The following LRFN1 variants were observed in gnomAD, a reference collection of about 807,000 sequenced individuals.
LRFN1 encodes the protein leucine rich repeat and fibronectin type III domain containing 1, also known as leucine-rich repeat and fibronectin type III domain-containing protein 1.
LRFN1 carries 20 observed loss-of-function variants against 31.8 expected under a neutral mutation model. The ratio of observed to expected loss-of-function variants is 0.63; its 90% confidence interval spans 0.44 to 0.91. LRFN1 has a LOEUF of 0.91. Ranked by LOEUF, LRFN1 falls within the 40% of genes least tolerant of loss-of-function variation. The probability of loss-of-function intolerance (pLI) is 0.00; values close to 1 mark genes in which losing one functional copy is unlikely to be tolerated. For synonymous variants in LRFN1, 514 were observed against 541.3 expected, an observed-to-expected ratio of 0.95 and a Z score of 0.70; for missense variants, 912 against 1,129.8, an observed-to-expected ratio of 0.81 and a Z score of 2.76.
In LRFN1 at chr19:39,315,138, C is replaced by T. The variant is rs1026039060; in HGVS notation, c.199G>A (p.Val67Met). Reference sequence around the variant, plus strand: ...TTGTCGGTGAGCCGCAGCTCCACCACGCGCCGGTCGATGGCGGGCGGCACA... The same window carrying T: ...TTGTCGGTGAGCCGCAGCTCCACCATGCGCCGGTCGATGGCGGGCGGCACA... The part of the protein sequence containing the change: ...LFVPPAIDRR[V>M]VELRLTDNFI... Residue 67 changes from valine (V) to methionine (M), a missense_variant, in exon 4 of 5, where the codon GTG (valine) becomes ATG (methionine). By Grantham distance (21) the Val-to-Met change is conservative. Around this residue, in one of 2 missense-constraint regions of LRFN1, gnomAD observed 401 missense variants for 572.7 expected, o/e 0.70. Coordinates refer to ENST00000248668, the MANE Select transcript of LRFN1 (RefSeq NM_020862.2). This position sits in a 1 kb window ranked among gnomAD's most constrained non-coding sequence, Gnocchi z 4.7. 4 of 1,591,452 alleles carry T rather than the reference C, an allele frequency of 2.5e-6. No homozygotes were observed. Among genetic ancestry groups the T allele is most frequent in the African/African-American group, 2.7e-5 (2 of 74,728 alleles).
chr19:39,319,110 G>C (rs1180480161), intron 1 of LRFN1, among the ~76,000 whole-genome samples: 2 of 152,120 alleles, frequency 1.3e-5, no homozygotes, highest in African/African-American at 4.8e-5. Context: ...TCACAACATA[G>C]ATGGATACAT....
At position 39,308,375 on chromosome 19, in the gene LRFN1, C is replaced by A. The variant is rs904451759; in HGVS notation, c.1574G>T (p.Arg525Leu). The A allele has an allele frequency of 5.0e-6, 8 of 1,611,728 alleles. No homozygotes were observed. Among genetic ancestry groups the A allele is most frequent in the African/African-American group, 2.7e-5 (2 of 74,896 alleles). ...GCCCAAGAAATGGGCCCTCAGCGGG[C>A]GGCAGGGCGCCGGATCCCCAGCGGT... is the stretch of plus-strand genomic sequence containing the variant. ...FTTAGDPAPCRPLRAHFLGGT... is the reference protein window; with the variant it reads ...FTTAGDPAPCLPLRAHFLGGT... The change falls in exon 5 of 5, where the codon CGC (arginine) becomes CTC (leucine). Residue 525 changes from arginine (R) to leucine (L), a missense_variant. By Grantham distance (102) the Arg-to-Leu change is moderately radical. Around this residue, in one of 2 missense-constraint regions of LRFN1, gnomAD observed 511 missense variants for 557.0 expected, o/e 0.92. Transcript: ENST00000248668. This position sits in a 1 kb window ranked among gnomAD's most constrained non-coding sequence, Gnocchi z 6.2.
intron 1 of LRFN1, among the ~76,000 whole-genome samples, chr19:39,318,884 C>A (rs373920293): frequency 6.6e-6 from 1 of 152,224 alleles, no homozygotes; most frequent in African/African-American, 2.4e-5. Flanking sequence ...GTGTGCCCTC[C>A]GCCCTCTATG....
In LRFN1 at chr19:39,308,464, C is replaced by A. The variant is rs1481608518; in HGVS notation, c.1485G>T (p.Ala495=). ...AGRAYDLCVL[A]VYDDGATALP... is the part of the protein sequence containing the mutation. ...GCGCTGTGGCCCCGTCGTCGTAGAC[C>A]GCCAGCACGCACAAGTCGTAGGCAC... The change falls in exon 5 of 5, where the codon GCG becomes GCT. Residue 495 remains alanine, a synonymous_variant. Coordinates refer to ENST00000248668, the MANE Select transcript of LRFN1 (RefSeq NM_020862.2). This position sits in a 1 kb window ranked among gnomAD's most constrained non-coding sequence, Gnocchi z 6.2. 1.6e-5 allele frequency: 26 copies of A among 1,608,236 alleles called. No individual in the cohort carries two copies. The highest frequency in any genetic ancestry group is 2.1e-5 in the Non-Finnish European group (25 of 1,179,652).
chr19:39,311,238 A>AC (rs1434554509), intron 4 of LRFN1, among the ~76,000 whole-genome samples: 1 of 152,116 alleles, frequency 6.6e-6, no homozygotes, highest in Non-Finnish European at 1.5e-5. Flanking sequence ...GAGGAAGTTA[A>AC]CCCCTGCGGC....
Position 39,315,156 on chromosome 19 carries a change from G to A in LRFN1, c.181C>T (p.Pro61Ser), listed in dbSNP as rs368551578. ...CAKTGLLFVP[P>S]AIDRRVVELR... ...TCCACCACGCGCCGGTCGATGGCGG[G>A]CGGCACAAAGAGCAAGCCGGTCTTG... The change falls in exon 4 of 5, where the codon CCC becomes TCC. Residue 61 changes from proline to serine, a missense_variant. This residue lies in a region of LRFN1 where 401 missense variants were observed against 572.7 expected (regional missense o/e 0.70). Transcript: ENST00000248668. The surrounding 1 kb of genome is among the most constrained non-coding windows in gnomAD (Gnocchi z 4.7). 1 of 1,591,066 alleles carries A rather than the reference G, an allele frequency of 6.3e-7. No homozygotes were observed. Among genetic ancestry groups the A allele is most frequent in the Non-Finnish European group, 8.5e-7 (1 of 1,175,686 alleles).
rs911953295 is a variant in LRFN1, at chr19:39,315,594, G to A, written c.-37-221C>T. Among the ~76,000 whole-genome samples, 4 of 152,076 alleles carry A rather than the reference G, an allele frequency of 2.6e-5. No homozygotes were observed. The highest frequency in any genetic ancestry group is 6.5e-5 in the Admixed American group (1 of 15,276). ...AGCACTTTGGGAGGCCGAGGCAGGC[G>A]GATCACCTGAGGTCAGGAGTTCAAG... On this transcript the variant is annotated intron_variant, in intron 3 of 4. Transcript: ENST00000248668. This position sits in a 1 kb window ranked among gnomAD's most constrained non-coding sequence, Gnocchi z 4.7.
At position 39,308,451 on chromosome 19, in the gene LRFN1, C is replaced by T; in HGVS notation, c.1498G>A (p.Gly500Arg). The T allele has an allele frequency of 6.2e-7, 1 of 1,609,884 alleles. No homozygotes were observed. The highest frequency in any genetic ancestry group is 8.5e-7 in the Non-Finnish European group (1 of 1,179,598). The change falls in exon 5 of 5, where the codon GGG becomes AGG. Residue 500 changes from glycine to arginine, a missense_variant. By Grantham distance (125) the Gly-to-Arg change is moderately radical (BLOSUM62 -2). This residue lies in a region of LRFN1 where 511 missense variants were observed against 557.0 expected (regional missense o/e 0.92). Transcript: ENST00000248668. This position sits in a 1 kb window ranked among gnomAD's most constrained non-coding sequence, Gnocchi z 6.2. ...DLCVLAVYDD[G>R]ATALPATRVV... The stretch of plus-strand genomic sequence containing the variant: ...CGCGTTGCCGGCAGCGCTGTGGCCC[C>T]GTCGTCGTAGACCGCCAGCACGCAC...
rs1712819432 is a variant in LRFN1, at chr19:39,307,668, T to A, written c.2281A>T (p.Thr761Ser). The change falls in exon 5 of 5, where the codon ACC (threonine) becomes TCC (serine). Residue 761 changes from threonine (T) to serine (S), a missense_variant. Coordinates refer to ENST00000248668, the MANE Select transcript of LRFN1 (RefSeq NM_020862.2). The surrounding 1 kb of genome is among the most constrained non-coding windows in gnomAD (Gnocchi z 6.7). ...CTCTCCAGCATCCACTCGGTGCTGGTGAAAGCCAGGCACGCCCTGGCGGAG... is the reference window on the plus strand; with the variant it reads ...CTCTCCAGCATCCACTCGGTGCTGGAGAAAGCCAGGCACGCCCTGGCGGAG... ...LGSARACLAF[T>S]STEWMLESTV 2 of 1,493,984 alleles carry A rather than the reference T, an allele frequency of 1.3e-6. No individual in the cohort carries two copies. Among genetic ancestry groups the A allele is most frequent in the South Asian group, 2.5e-5 (2 of 78,678 alleles). The allele number at this position is 1,493,984 out of a possible 1,614,324, so 92.5% of individuals were successfully genotyped here. A position where few individuals can be genotyped will look rare whatever the true frequency, so the allele number is the denominator to read the frequency against.
chr19:39,308,600 T>C lies in LRFN1; in HGVS notation c.1407-58A>G, dbSNP rs572005122. On this transcript the variant is annotated intron_variant, in intron 4 of 4. Transcript: ENST00000248668. This position sits in a 1 kb window ranked among gnomAD's most constrained non-coding sequence, Gnocchi z 6.2. ...GTCCCCCCGAACCACGCCCCTTCGC[T>C]TTATGCCCCGCCCATGGTGAACAGT... The C allele has an allele frequency of 9.5e-5, 137 of 1,439,790 alleles. 2 individuals carry two copies. The South Asian group carries it at 1.0e-3, about 11-fold the overall frequency. 89.2% of individuals were successfully genotyped at this position (1,439,790 alleles called of 1,614,324 possible).
At chr19:39,312,932 T>A (rs1319757291) in intron 4 of LRFN1, among the ~76,000 whole-genome samples, 1 of 151,764 alleles carries the variant, frequency 6.6e-6, no homozygotes, top group East Asian at 1.9e-4. Context: ...AGGGTCTGGG[T>A]GGTTTCCCTG....
At chr19:39,320,451 G>A (rs534465131) in intron 1 of LRFN1, among the ~76,000 whole-genome samples, 44 of 151,856 alleles carry the variant, frequency 2.9e-4, no homozygotes, top group African/African-American at 1.0e-3. Flanking sequence ...GGCTTGGGGG[G>A]GACCCACACC....
chr19:39,319,108 T>C (rs1022223999), intron 1 of LRFN1, among the ~76,000 whole-genome samples: 3 of 152,038 alleles, frequency 2.0e-5, no homozygotes, highest in African/African-American at 7.3e-5. Context: ...ACTCACAACA[T>C]AGATGGATAC....
rs761258075 is a variant in LRFN1 at position 39,307,843 on chromosome 19, C to A, written c.2106G>T (p.Gln702His). The A allele has an allele frequency of 4.0e-6, 6 of 1,514,578 alleles. No homozygotes were observed. The African/African-American group carries it at 5.8e-5, about 15-fold the overall frequency. The allele number at this position is 1,514,578 out of a possible 1,614,324, so 93.8% of individuals were successfully genotyped here. The stretch of plus-strand genomic sequence containing the variant: ...CGTAGTCCCCGTCGAACGAATAGCG[C>A]TGCTGCGGCCTCGGCCGGGCCGCGG... Reference protein sequence around the residue: ...GGAAARPRPQQRYSFDGDYGA... With the variant: ...GGAAARPRPQHRYSFDGDYGA... The change falls in exon 5 of 5, where the codon CAG (glutamine) becomes CAT (histidine). Residue 702 changes from glutamine (Q) to histidine (H), a missense_variant. By Grantham distance (24) the Gln-to-His change is conservative. Transcript: ENST00000248668. This position sits in a 1 kb window ranked among gnomAD's most constrained non-coding sequence, Gnocchi z 6.7.
chr19:39,314,854 C>T lies in LRFN1; in HGVS notation c.483G>A (p.Leu161=). The T allele has an allele frequency of 6.2e-7, 1 of 1,611,708 alleles. No individual in the cohort carries two copies. The highest frequency in any genetic ancestry group is 8.5e-7 in the Non-Finnish European group (1 of 1,178,954). The change falls in exon 4 of 5, where the codon CTG becomes CTA. Residue 161 remains leucine (L), a synonymous_variant. Coordinates refer to ENST00000248668, the MANE Select transcript of LRFN1 (RefSeq NM_020862.2). ...ACAGATCCAGGTCCTCCACGGTGGA[C>T]AGGAAGGCGTCAAAGGCCGCCGACT... is the stretch of plus-strand genomic sequence containing the variant. ...RVESAAFDAF[L]STVEDLDLSY...
In LRFN1 at chr19:39,306,709, C is replaced by T. The variant is rs1377379918; in HGVS notation, c.*924G>A. On this transcript the variant is annotated 3_prime_UTR_variant, in exon 5 of 5. Coordinates refer to ENST00000248668, the MANE Select transcript of LRFN1 (RefSeq NM_020862.2). ...AGTCTCACTTAGAGTCCTTATGCTG[C>T]AATCTAGGTCACCCTCCCCCAACAC... The T allele has an allele frequency of 6.6e-6, 1 of 150,790 alleles. No individual in the cohort carries two copies. Among genetic ancestry groups the T allele is most frequent in the Non-Finnish European group, 1.5e-5 (1 of 68,812 alleles). 9.3% of individuals were successfully genotyped at this position (150,790 alleles called of 1,614,324 possible). A position where few individuals can be genotyped will look rare whatever the true frequency, so the allele number is the denominator to read the frequency against.
chr19:39,315,282 G>T lies in LRFN1; in HGVS notation c.55C>A (p.Pro19Thr), dbSNP rs1320962284. 3.3e-6 allele frequency: 5 copies of T among 1,516,064 alleles called. No homozygotes were observed. The highest frequency in any genetic ancestry group is 3.5e-6 in the Non-Finnish European group (4 of 1,136,284). The allele number at this position is 1,516,064 out of a possible 1,614,324, so 93.9% of individuals were successfully genotyped here. The change falls in exon 4 of 5, where the codon CCC becomes ACC. Residue 19 changes from proline to threonine, a missense_variant. By Grantham distance (38) the Pro-to-Thr change is conservative. Coordinates refer to ENST00000248668, the MANE Select transcript of LRFN1 (RefSeq NM_020862.2). The surrounding 1 kb of genome is among the most constrained non-coding windows in gnomAD (Gnocchi z 4.7). ...ALLSPPPAAL[P>T]FLLLLWAGAS... is the part of the protein sequence containing the mutation. ...CCCGCCCAGAGCAGCAGCAGAAAGG[G>T]CAGGGCAGCGGGCGGCGGCGAGAGG... is the stretch of plus-strand genomic sequence containing the variant.
At position 39,308,319 on chromosome 19, in the gene LRFN1, T is replaced by C. The variant is rs2145028318; in HGVS notation, c.1630A>G (p.Ile544Val). The change falls in exon 5 of 5, where the codon ATC becomes GTC. Residue 544 changes from isoleucine (I) to valine (V), a missense_variant. Physicochemically the swap from Ile to Val is conservative, Grantham distance 29. Coordinates refer to ENST00000248668, the MANE Select transcript of LRFN1 (RefSeq NM_020862.2). The surrounding 1 kb of genome is among the most constrained non-coding windows in gnomAD (Gnocchi z 6.2). ...GTMIIAIGGV[I>V]VASVLVFIVL... ...ATGAAGACGAGGACCGAGGCGACGATGACGCCCCCGATGGCGATGATCATG... is the reference window on the plus strand; with the variant it reads ...ATGAAGACGAGGACCGAGGCGACGACGACGCCCCCGATGGCGATGATCATG... 1 of 1,613,236 alleles carries C rather than the reference T, an allele frequency of 6.2e-7. No homozygotes were observed. Among genetic ancestry groups the C allele is most frequent in the Non-Finnish European group, 8.5e-7 (1 of 1,179,672 alleles).
intron 1 of LRFN1, among the ~76,000 whole-genome samples, chr19:39,320,394 C>T (rs1170966460): frequency 6.6e-6 from 1 of 151,778 alleles, no homozygotes; most frequent in Non-Finnish European, 1.5e-5. Context: ...GGATGGACAT[C>T]CAACCCGGAC....
Sources: allele counts gnomAD v4.1 joint callset (sites outside exome capture counted in the v4.1 genomes callset), GRCh38; gene constraint gnomAD v4.1.1; regional missense constraint gnomAD v4.1.1; non-coding constraint Gnocchi (gnomAD v3.1); transcripts MANE v1.5; gene names NCBI Gene and HGNC (gene_info 2026-07-23, HGNC 2026-07-21).